NIPBL: variants seen among roughly 807,000 people sequenced by gnomAD.
NIPBL encodes the protein NIPBL cohesin loading factor, also known as nipped-B-like protein.
Under a neutral mutation model 321.8 loss-of-function variants are expected in NIPBL, and 19 were observed. The ratio of observed to expected loss-of-function variants is 0.06; its 90% CI spans 0.04 to 0.09. The LOEUF is 0.09. Among genes scored for constraint, NIPBL ranks in the 10% least tolerant of loss-of-function variants. The pLI, the probability that NIPBL is intolerant of heterozygous loss-of-function variation, is 1.00. For missense variants in NIPBL, 2,210 were observed against 3,327.0 expected, an observed-to-expected ratio of 0.66 and a Z score of 8.26; for synonymous variants, 1,106 against 1,114.1, an observed-to-expected ratio of 0.99 and a Z score of 0.14.
intron 1 of NIPBL, among the ~76,000 whole-genome samples, chr5:36,933,682 G>C (rs1409582525): frequency 6.6e-6 from 1 of 152,048 alleles, no homozygotes; most frequent in Non-Finnish European, 1.5e-5. Context: ...GACACCAGTA[G>C]TGAAAATTAC....
intron 20 of NIPBL, among the ~76,000 whole-genome samples, chr5:37,009,066 C>A (rs1050099447): frequency 1.1e-4 from 16 of 152,226 alleles, no homozygotes; most frequent in African/African-American, 3.9e-4. Flanking sequence ...CAATAGACAC[C>A]CTTCCTCCTT....
intron 3 of NIPBL, among the ~76,000 whole-genome samples, chr5:36,957,877 G>A (rs1237028555): frequency 1.3e-5 from 2 of 152,138 alleles, no homozygotes; most frequent in Non-Finnish European, 2.9e-5. Context: ...CAGCTACTCG[G>A]GAGGCTGAGG....
At chr5:37,058,641 T>G (rs538997159) in intron 43 of NIPBL, among the ~76,000 whole-genome samples, 1 of 152,172 alleles carries the variant, frequency 6.6e-6, no homozygotes, top group Non-Finnish European at 1.5e-5. Flanking sequence ...GAAAATTGTT[T>G]CCCTTTGAAT....
chr5:37,004,621 G>A (rs1328865934), intron 16 of NIPBL, among the ~76,000 whole-genome samples: 5 of 152,040 alleles, frequency 3.3e-5, no homozygotes, highest in African/African-American at 1.2e-4. Context: ...TGCTCAGACT[G>A]ATCTCAAACT....
chr5:36,885,324 G>C (rs878969971), intron 1 of NIPBL: 25 of 488,152 alleles, frequency 5.1e-5, no homozygotes, highest in South Asian at 4.0e-4. Flanking sequence ...GCAGGCGCCA[G>C]GGGCTCTGGT....
chr5:37,005,068 A>AT (rs1446477588), intron 16 of NIPBL, among the ~76,000 whole-genome samples: 1 of 151,930 alleles, frequency 6.6e-6, no homozygotes, highest in African/African-American at 2.4e-5. Context: ...AAACATGAGG[A>AT]TTTTTTGCAA....
At chr5:36,926,040 A>G (rs1459280981) in intron 1 of NIPBL, among the ~76,000 whole-genome samples, 1 of 152,166 alleles carries the variant, frequency 6.6e-6, no homozygotes, top group East Asian at 1.9e-4. Flanking sequence ...TAGTTTCTCC[A>G]TTACCATGGC....
intron 31 of NIPBL, among the ~76,000 whole-genome samples, chr5:37,026,846 A>G (rs1750327624): frequency 1.3e-5 from 2 of 151,964 alleles, no homozygotes. Flanking sequence ...GCTGCAGTAT[A>G]CTGTAATCAT....
At chr5:36,919,661 G>C (rs1245611969) in intron 1 of NIPBL, among the ~76,000 whole-genome samples, 1 of 152,164 alleles carries the variant, frequency 6.6e-6, no homozygotes, top group African/African-American at 2.4e-5. Flanking sequence ...TTGTGTGCCA[G>C]ATCCCTGACT....
At chr5:37,020,240 A>G (rs545793930) in intron 25 of NIPBL, among the ~76,000 whole-genome samples, 7 of 152,238 alleles carry the variant, frequency 4.6e-5, no homozygotes, top group Non-Finnish European at 7.3e-5. Flanking sequence ...TCTTGACTTC[A>G]TTAATATAAG....
chr5:36,992,715 TTTA>T (rs1745674622), intron 10 of NIPBL, among the ~76,000 whole-genome samples: 1 of 61,388 alleles, frequency 1.6e-5, no homozygotes, highest in African/African-American at 9.9e-5. Context: ...ATGCATTTTA[TTTA>T]TTTATTTATT....
chr5:36,898,869 A>G (rs1345897373), intron 1 of NIPBL, among the ~76,000 whole-genome samples: 1 of 152,134 alleles, frequency 6.6e-6, no homozygotes, highest in African/African-American at 2.4e-5. Context: ...TTTAACTTTT[A>G]ATTGGCATAC....
intron 1 of NIPBL, chr5:36,885,643 T>C (rs1212516104): frequency 1.8e-6 from 1 of 545,510 alleles, no homozygotes; most frequent in African/African-American, 1.9e-5. Context: ...CTGTGGACAA[T>C]GCCTGCATTG....
At chr5:36,934,587 TAGAAATTATA>T (rs745975073) in intron 1 of NIPBL, among the ~76,000 whole-genome samples, 4 of 152,110 alleles carry the variant, frequency 2.6e-5, no homozygotes, top group Non-Finnish European at 4.4e-5. Flanking sequence ...GGAGCAATGG[TAGAAATTATA>T]AGATTACAGA....
At chr5:36,978,502 G>A (rs1743767936) in intron 9 of NIPBL, among the ~76,000 whole-genome samples, 1 of 151,770 alleles carries the variant, frequency 6.6e-6, no homozygotes, top group African/African-American at 2.4e-5. Context: ...TTTGTTGGAT[G>A]CATAGTTTGT....
intron 1 of NIPBL, among the ~76,000 whole-genome samples, chr5:36,934,736 C>G (rs16903403): frequency 6.6e-6 from 1 of 151,546 alleles, no homozygotes; most frequent in African/African-American, 2.4e-5. Context: ...AATGAATTCC[C>G]ACATAATGAA....
At chr5:36,933,610 G>T (rs948470039) in intron 1 of NIPBL, among the ~76,000 whole-genome samples, 3 of 151,966 alleles carry the variant, frequency 2.0e-5, no homozygotes, top group Non-Finnish European at 2.9e-5. Context: ...GGTAATTTTT[G>T]ATCATTTAAT....
chr5:37,051,573 AT>A, intron 40 of NIPBL: 1 of 590,074 alleles, frequency 1.7e-6, no homozygotes, highest in Non-Finnish European at 3.0e-6. Context: ...TCACGTCAGT[AT>A]TTTTGCTGGT....
chr5:37,049,358 G>C (rs1012778887), intron 40 of NIPBL, 57 bp downstream of exon 40: 6 of 1,526,918 alleles, frequency 3.9e-6, no homozygotes, highest in Non-Finnish European at 5.4e-6. Flanking sequence ...GTTGTAATTT[G>C]ATACATTGTG....
Sources: allele counts gnomAD v4.1 joint callset (sites outside exome capture counted in the v4.1 genomes callset), GRCh38; gene constraint gnomAD v4.1.1; transcripts MANE v1.5; gene names NCBI Gene and HGNC (gene_info 2026-07-23, HGNC 2026-07-21).